Variants in PCDH15 observed in about 807,000 individuals in gnomAD.
PCDH15 encodes the protein protocadherin related 15.
PCDH15 carries 129 observed loss-of-function variants against 178.5 expected under a neutral mutation model. The ratio of observed to expected loss-of-function variants is 0.72; its 90% CI spans 0.63 to 0.84. PCDH15 has a LOEUF of 0.84. Ranked by LOEUF, PCDH15 falls within the 40% of genes least tolerant of loss-of-function variation. PCDH15 has a pLI of 0.00. For missense variants in PCDH15, 2,230 were observed against 2,099.9 expected (o/e 1.06, Z -1.21); for synonymous variants, 800 against 732.0 (o/e 1.09, Z -1.50).
chr10:53,965,905 T>TA (rs570655932), intron 21 of PCDH15, among the ~76,000 whole-genome samples: 106 of 152,242 alleles, frequency 7.0e-4, no homozygotes, highest in African/African-American at 2.4e-3. Context: ...CTGTAATTGA[T>TA]AAAATGAAAA....
At chr10:53,890,884 C>T (rs534694792) in intron 26 of PCDH15, among the ~76,000 whole-genome samples, 11 of 152,158 alleles carry the variant, frequency 7.2e-5, no homozygotes, top group South Asian at 2.1e-4. Flanking sequence ...TCCAGGCCTG[C>T]GGGTTTCCCT....
intron 3 of PCDH15, among the ~76,000 whole-genome samples, chr10:54,524,220 C>T (rs2083158425): frequency 6.6e-6 from 1 of 152,096 alleles, no homozygotes; most frequent in African/African-American, 2.4e-5. Context: ...CTTTCATTTC[C>T]CAAATTTACT....
intron 3 of PCDH15, among the ~76,000 whole-genome samples, chr10:54,517,288 C>A (rs986012766): frequency 3.3e-4 from 50 of 152,098 alleles, no homozygotes; most frequent in South Asian, 1.5e-3. Context: ...GAGTCAAGAC[C>A]CATCAGTGTG....
At chr10:55,573,002 T>A (rs578143241) in intron 2 of PCDH15, among the ~76,000 whole-genome samples, 13 of 152,190 alleles carry the variant, frequency 8.5e-5, no homozygotes, top group Middle Eastern at 3.4e-3. Context: ...GTAATTATGA[T>A]GTTATATTTA....
intron 35 of PCDH15, among the ~76,000 whole-genome samples, chr10:53,815,814 A>G (rs1372884042): frequency 6.6e-6 from 1 of 152,154 alleles, no homozygotes; most frequent in Admixed American, 6.5e-5. Flanking sequence ...ATGTGTCCAA[A>G]AGAAGTATTT....
chr10:54,606,922 C>T (rs2092766299), intron 2 of PCDH15: 1 of 152,062 alleles, frequency 6.6e-6, no homozygotes, highest in Non-Finnish European at 1.5e-5. Context: ...TTCTGTTTCA[C>T]ATTCTGACTA....
intron 22 of PCDH15, among the ~76,000 whole-genome samples, chr10:53,961,185 T>C (rs190148973): frequency 1.6e-4 from 24 of 152,156 alleles, no homozygotes; most frequent in African/African-American, 5.8e-4. Context: ...AGATGAAGAA[T>C]GCATACAAGG....
intron 1 of PCDH15, among the ~76,000 whole-genome samples, chr10:55,310,152 T>G (rs1416869530): frequency 6.6e-6 from 1 of 150,916 alleles, no homozygotes; most frequent in Non-Finnish European, 1.5e-5. Flanking sequence ...CACTTATTTG[T>G]TTTTTTATCA....
Position 54,095,011 on chromosome 10 carries a change from A to G in PCDH15, c.1918-4948T>C, listed in dbSNP as rs116409708. Among the ~76,000 whole-genome samples, 533 of 152,330 alleles carry G rather than the reference A, an allele frequency of 3.5e-3. 2 individuals carry two copies. Among genetic ancestry groups the G allele is most frequent in the African/African-American group, 0.011 (459 of 41,584 alleles). ...GTTCATGTTAAAGATGAATACAGCC[A>G]TCAAATACCGTCTGATAGAGTGCAT... On this transcript the variant is annotated intron_variant, in intron 15 of 37. Transcript: ENST00000644397.
At chr10:54,678,694 T>C (rs1238508825) in intron 1 of PCDH15, among the ~76,000 whole-genome samples, 1 of 152,162 alleles carries the variant, frequency 6.6e-6, no homozygotes, top group East Asian at 1.9e-4. Context: ...ACCTTCAAGA[T>C]CATCATTTAT....
At chr10:54,689,933 A>C (rs930101838) in intron 1 of PCDH15, among the ~76,000 whole-genome samples, 1 of 152,194 alleles carries the variant, frequency 6.6e-6, no homozygotes, top group African/African-American at 2.4e-5. Context: ...AAGGAATGAG[A>C]GGTCATCAAA....
At chr10:55,589,412 T>C (rs564129847) in intron 2 of PCDH15, among the ~76,000 whole-genome samples, 323 of 152,190 alleles carry the variant, frequency 2.1e-3, no homozygotes, top group African/African-American at 7.6e-3. Context: ...CCATTGATCT[T>C]CATGTCTAAA....
intron 1 of PCDH15, among the ~76,000 whole-genome samples, chr10:55,198,460 A>C (rs538743408): frequency 6.6e-6 from 1 of 152,202 alleles, no homozygotes; most frequent in South Asian, 2.1e-4. Flanking sequence ...GGTGTTTAAA[A>C]GCTGCTTTTA....
At chr10:55,095,326 A>G (rs1312163398) in intron 2 of PCDH15, among the ~76,000 whole-genome samples, 2 of 151,916 alleles carry the variant, frequency 1.3e-5, no homozygotes, top group African/African-American at 4.8e-5. Flanking sequence ...TAAATATATT[A>G]AAAAATAAAA....
chr10:54,926,310 G>A (rs993444572), intron 2 of PCDH15, among the ~76,000 whole-genome samples: 1 of 152,180 alleles, frequency 6.6e-6, no homozygotes, highest in East Asian at 1.9e-4. Flanking sequence ...CTTGATCATG[G>A]TGGATAAGCT....
Position 54,878,181 on chromosome 10 carries a change from T to C in PCDH15, c.-29+19269A>G, listed in dbSNP as rs188597601. Reference sequence around the variant, plus strand: ...TTTCGCCATGTTGTCCAGGCTGGTCTCAAACTCCTGACCTCAGGTGATCCA... The same window carrying C: ...TTTCGCCATGTTGTCCAGGCTGGTCCCAAACTCCTGACCTCAGGTGATCCA... On this transcript the variant is annotated intron_variant, in intron 3 of 5. Coordinates refer to the PCDH15 transcript ENST00000458638. 2.0e-3 allele frequency among the ~76,000 whole-genome samples: 298 copies of C among 152,082 alleles called. 1 individual carries two copies. Among genetic ancestry groups the C allele is most frequent in the Non-Finnish European group, 3.7e-3 (253 of 67,990 alleles).
intron 32 of PCDH15, among the ~76,000 whole-genome samples, chr10:53,824,740 G>A (rs749465802): frequency 9.2e-5 from 14 of 151,928 alleles, no homozygotes; most frequent in African/African-American, 2.4e-4. Flanking sequence ...ACATTTGTTC[G>A]TGGTTTGATT....
intron 3 of PCDH15, among the ~76,000 whole-genome samples, chr10:54,470,034 G>A (rs1239170138): frequency 2.6e-5 from 4 of 152,158 alleles, no homozygotes; most frequent in African/African-American, 7.2e-5. Context: ...CAGGAGGGTA[G>A]AGCTACATCA....
chr10:54,398,270 G>T (rs1706041628), intron 3 of PCDH15, among the ~76,000 whole-genome samples: 1 of 151,484 alleles, frequency 6.6e-6, no homozygotes, highest in African/African-American at 2.4e-5. Flanking sequence ...CACTATGGAA[G>T]AAAATAAGCC....
Sources: allele counts gnomAD v4.1 joint callset (sites outside exome capture counted in the v4.1 genomes callset), GRCh38; gene constraint gnomAD v4.1.1; transcripts MANE v1.5; gene names NCBI Gene and HGNC (gene_info 2026-07-23, HGNC 2026-07-21).